The following MNAT1 variants were observed in gnomAD, a reference collection of about 807,000 sequenced individuals.
MNAT1 encodes the protein CDK-activating kinase assembly factor MAT1.
A neutral mutation model predicts 42.0 loss-of-function variants in MNAT1; 43 were observed. That is an observed-to-expected ratio of 1.02 (90% confidence interval 0.80 to 1.32). The LOEUF (loss-of-function observed/expected upper bound fraction) is 1.32. Ranked by LOEUF, MNAT1 falls within the 40% of genes most tolerant of loss-of-function variation. MNAT1 has a pLI of 0.00. For missense variants in MNAT1, 306 were observed against 350.4 expected, an observed-to-expected ratio of 0.87 and a Z score of 1.01; for synonymous variants, 118 against 120.0, an observed-to-expected ratio of 0.98 and a Z score of 0.11.
chr14:60,857,532 G>A (rs1053485590), intron 6 of MNAT1, among the ~76,000 whole-genome samples: 1 of 152,110 alleles, frequency 6.6e-6, no homozygotes, highest in Non-Finnish European at 1.5e-5. Context: ...TTACAACAAA[G>A]GGTTTAGAAT....
chr14:60,882,077 C>T (rs1412938151), intron 7 of MNAT1, among the ~76,000 whole-genome samples: 1 of 152,164 alleles, frequency 6.6e-6, no homozygotes, highest in Non-Finnish European at 1.5e-5. Context: ...AGGAGAATCA[C>T]TTGAACCTGG....
chr14:60,751,848 A>G (rs895696083), intron 1 of MNAT1, among the ~76,000 whole-genome samples: 1 of 152,054 alleles, frequency 6.6e-6, no homozygotes, highest in African/African-American at 2.4e-5. Flanking sequence ...GATAGTGGTT[A>G]TATCATTGAA....
intron 3 of MNAT1, among the ~76,000 whole-genome samples, chr14:60,806,059 T>A (rs1396668433): frequency 2.0e-5 from 3 of 152,228 alleles, no homozygotes; most frequent in Admixed American, 2.0e-4. Flanking sequence ...ATTGGAGTTT[T>A]GCCATTCTAA....
intron 6 of MNAT1, among the ~76,000 whole-genome samples, chr14:60,832,088 CAGAT>C (rs2033242237): frequency 6.6e-6 from 1 of 152,050 alleles, no homozygotes; most frequent in African/African-American, 2.4e-5. Flanking sequence ...AGCCCTTTGT[CAGAT>C]AGATAGATTG....
rs1044195203 is a variant in MNAT1 at position 60,957,619 on chromosome 14, A to G, written c.810-10610A>G. Among the ~76,000 whole-genome samples, 4 of 152,288 alleles carry G rather than the reference A, an allele frequency of 2.6e-5. No homozygotes were observed. The East Asian group carries it at 7.7e-4, about 29-fold the overall frequency. On this transcript the variant is annotated intron_variant, in intron 7 of 7. Transcript: ENST00000261245. ...ATTTGGGTAGGGAAACAGCCGAACC[A>G]TATCATTCTTCTCTTATATTTTATG...
chr14:60,914,011 A>G (rs1162551947), intron 7 of MNAT1, among the ~76,000 whole-genome samples: 1 of 152,176 alleles, frequency 6.6e-6, no homozygotes, highest in Non-Finnish European at 1.5e-5. Context: ...TACCTACTCA[A>G]GCCTGAGCAA....
intron 6 of MNAT1, 105 bp from the exon 7 acceptor site, chr14:60,879,609 A>G (rs1031132473): frequency 1.8e-6 from 2 of 1,134,994 alleles, no homozygotes. Context: ...CTAATGGCTA[A>G]TACTTCTAAT....
At chr14:60,879,634 T>A in intron 6 of MNAT1, 80 bp from the exon 7 acceptor site, 1 of 1,372,242 alleles carries the variant, frequency 7.3e-7, no homozygotes, top group Non-Finnish European at 1.0e-6. Flanking sequence ...GGAATTTAAT[T>A]CATCTTTAAA....
intron 7 of MNAT1, among the ~76,000 whole-genome samples, chr14:60,933,167 A>G (rs1278054632): frequency 6.6e-6 from 1 of 152,080 alleles, no homozygotes; most frequent in Non-Finnish European, 1.5e-5. Flanking sequence ...TTGAAGTATA[A>G]TATAGAAAGT....
chr14:60,808,017 T>A (rs952028415), intron 3 of MNAT1, among the ~76,000 whole-genome samples: 1 of 152,176 alleles, frequency 6.6e-6, no homozygotes, highest in Non-Finnish European at 1.5e-5. Flanking sequence ...ACAATTTTTT[T>A]ATGCTTTTAA....
chr14:60,766,596 C>G (rs943003466), intron 1 of MNAT1, among the ~76,000 whole-genome samples: 8 of 151,826 alleles, frequency 5.3e-5, no homozygotes, highest in African/African-American at 1.9e-4. Context: ...CCTGTAATCC[C>G]AGCTACTCGG....
At chr14:60,864,400 T>G (rs541476999) in intron 6 of MNAT1, among the ~76,000 whole-genome samples, 46 of 152,122 alleles carry the variant, frequency 3.0e-4, no homozygotes, top group South Asian at 8.3e-4. Context: ...AATAAATAAA[T>G]TTTCATATTT....
At chr14:60,890,566 A>G (rs1405765645) in intron 7 of MNAT1, among the ~76,000 whole-genome samples, 4 of 152,190 alleles carry the variant, frequency 2.6e-5, no homozygotes, top group African/African-American at 4.8e-5. Flanking sequence ...CCGAGTCCCA[A>G]AATCTCAAAA....
chr14:60,842,324 T>G (rs932391115), intron 6 of MNAT1, among the ~76,000 whole-genome samples: 2 of 152,220 alleles, frequency 1.3e-5, no homozygotes, highest in African/African-American at 4.8e-5. Flanking sequence ...TAATCTGCCC[T>G]GCAAATTATA....
rs200779652 is a variant in MNAT1 at position 60,776,570 on chromosome 14, T to TG, written c.90-19639dup. Reference sequence around the variant, plus strand: ...ATAAGCCAGATGCTGAAAACTGTCCTGGGGGGGGAGGAGCAGATACTTTTA... The same window carrying TG: ...ATAAGCCAGATGCTGAAAACTGTCCTGGGGGGGGGAGGAGCAGATACTTTTA... On this transcript the variant is annotated intron_variant, in intron 1 of 7. Transcript: ENST00000261245. 5.4e-4 allele frequency among the ~76,000 whole-genome samples: 82 copies of TG among 151,248 alleles called. 1 individual carries two copies. Among genetic ancestry groups the TG allele is most frequent in the East Asian group, 1.4e-3 (7 of 5,156 alleles).
At chr14:60,846,428 A>T (rs1307213562) in intron 6 of MNAT1, among the ~76,000 whole-genome samples, 4 of 151,840 alleles carry the variant, frequency 2.6e-5, no homozygotes, top group Non-Finnish European at 4.4e-5. Flanking sequence ...ATTGATCTCC[A>T]TTCTAATATT....
chr14:60,960,585 T>C (rs2036569765), intron 7 of MNAT1, among the ~76,000 whole-genome samples: 1 of 152,166 alleles, frequency 6.6e-6, no homozygotes, highest in Non-Finnish European at 1.5e-5. Context: ...AAAACCAAAG[T>C]TGGGATCTTT....
intron 6 of MNAT1, among the ~76,000 whole-genome samples, chr14:60,842,910 C>T (rs2033588859): frequency 6.6e-6 from 1 of 152,152 alleles, no homozygotes; most frequent in Non-Finnish European, 1.5e-5. Flanking sequence ...ATGTTGCTAG[C>T]CCAGGAAAAG....
At chr14:60,805,241 A>C (rs927547778) in intron 3 of MNAT1, among the ~76,000 whole-genome samples, 5 of 151,816 alleles carry the variant, frequency 3.3e-5, no homozygotes, top group Non-Finnish European at 7.4e-5. Context: ...TTAAAAGTAG[A>C]CTTTTTTTTA....
Sources: gnomAD v4.1 joint callset for allele counts (sites outside exome capture counted in the v4.1 genomes callset) on GRCh38, gnomAD v4.1.1 for gene constraint, MANE v1.5 for transcripts, NCBI Gene and HGNC (gene_info 2026-07-23, HGNC 2026-07-21) for gene names.